The following KCNQ1 variants were observed in gnomAD, a reference collection of about 807,000 sequenced individuals.
KCNQ1 encodes the protein potassium voltage-gated channel subfamily Q member 1, also known as potassium voltage-gated channel subfamily KQT member 1.
KCNQ1 carries 49 observed loss-of-function variants against 72.4 expected under a neutral mutation model. The ratio of observed to expected loss-of-function variants is 0.68; its 90% CI spans 0.54 to 0.86. The LOEUF (loss-of-function observed/expected upper bound fraction) is 0.86. KCNQ1 is among the 40% of genes least tolerant of loss of function. KCNQ1 has a pLI of 0.00. For missense variants in KCNQ1, 790 were observed against 945.1 expected (o/e 0.84, Z 2.15); for synonymous variants, 450 against 412.6 (o/e 1.09, Z -1.10).
chr11:2,768,560 G>T lies in KCNQ1; in HGVS notation c.1515-284G>T, dbSNP rs968383071. ...GCAGCATAGCCATGGCCAACTCAGG[G>T]CCCTGACTCCTACCTGACCCCCTTC... is the stretch of plus-strand genomic sequence containing the variant. On this transcript the variant is annotated intron_variant, in intron 11 of 15. Transcript: ENST00000155840. The surrounding 1 kb of genome is among the most constrained non-coding windows in gnomAD (Gnocchi z 6.7). 3.3e-5 allele frequency among the ~76,000 whole-genome samples: 5 copies of T among 152,150 alleles called. No individual in the cohort carries two copies. The highest frequency in any genetic ancestry group is 1.2e-4 in the African/African-American group (5 of 41,418).
At position 2,762,444 on chromosome 11, in the gene KCNQ1, C is replaced by G. The variant is rs1050934580; in HGVS notation, c.1515-6400C>G. 6.6e-6 allele frequency among the ~76,000 whole-genome samples: 1 copy of G among 152,168 alleles called. No homozygotes were observed. The highest frequency in any genetic ancestry group is 6.5e-5 in the Admixed American group (1 of 15,282). On this transcript the variant is annotated intron_variant, in intron 11 of 15. Coordinates refer to ENST00000155840, the MANE Select transcript of KCNQ1 (RefSeq NM_000218.3). The surrounding 1 kb of genome is among the most constrained non-coding windows in gnomAD (Gnocchi z 4.3). The stretch of plus-strand genomic sequence containing the variant: ...CAGGTGCATCCACATTGTTCCAGCA[C>G]CCTTTATTGAAAAGCGTATCCTTCC...
intron 15 of KCNQ1, among the ~76,000 whole-genome samples, chr11:2,807,955 C>A (rs1236948906): frequency 6.6e-6 from 1 of 152,172 alleles, no homozygotes; most frequent in African/African-American, 2.4e-5. Flanking sequence ...CCTCCTGGAG[C>A]CTCGGTTTCC....
chr11:2,597,663 A>T (rs1484300472), intron 10 of KCNQ1, among the ~76,000 whole-genome samples: 2 of 152,336 alleles, frequency 1.3e-5, no homozygotes, highest in African/African-American at 2.4e-5. Context: ...TTTGAAGAAC[A>T]TTGGGATTAT....
At position 2,803,154 on chromosome 11, in the gene KCNQ1, G is replaced by GTA. The variant is rs1554925272; in HGVS notation, c.1794+25117_1794+25118insTA. ...AGGGTAGCCCAGAAAACCCAGCCGG[G>GTA]CCCCCCCCCCCACGGGCACCCAGGA... On this transcript the variant is annotated intron_variant, in intron 15 of 15. Coordinates refer to ENST00000155840, the MANE Select transcript of KCNQ1 (RefSeq NM_000218.3). This position sits in a 1 kb window ranked among gnomAD's most constrained non-coding sequence, Gnocchi z 6.4. 9.3e-5 allele frequency among the ~76,000 whole-genome samples: 2 copies of GTA among 21,450 alleles called. No homozygotes were observed. Among genetic ancestry groups the GTA allele is most frequent in the Non-Finnish European group, 3.1e-4 (2 of 6,350 alleles). The allele number at this position is 21,450 out of a possible 152,430, so 14.1% of individuals were successfully genotyped here.
rs186459288 is a variant in KCNQ1 at position 2,717,948 on chromosome 11, A to G, written c.1515-50896A>G. On this transcript the variant is annotated intron_variant, in intron 11 of 15. Coordinates refer to ENST00000155840, the MANE Select transcript of KCNQ1 (RefSeq NM_000218.3). The stretch of plus-strand genomic sequence containing the variant: ...GGGCTGCCGTGGTCATGGAGTAAAG[A>G]CCACACCTGGCATGGCTTCCTTGGT... 1.4e-3 allele frequency among the ~76,000 whole-genome samples: 216 copies of G among 152,268 alleles called. 1 individual carries two copies. Among genetic ancestry groups the G allele is most frequent in the African/African-American group, 5.1e-3 (211 of 41,558 alleles).
Position 2,483,495 on chromosome 11 carries a change from G to T in KCNQ1, c.386+38011G>T, listed in dbSNP as rs1589905862. 6.6e-6 allele frequency among the ~76,000 whole-genome samples: 1 copy of T among 152,132 alleles called. No individual in the cohort carries two copies. Among genetic ancestry groups the T allele is most frequent in the Non-Finnish European group, 1.5e-5 (1 of 68,026 alleles). On this transcript the variant is annotated intron_variant, in intron 1 of 15. Transcript: ENST00000155840. The surrounding 1 kb of genome is among the most constrained non-coding windows in gnomAD (Gnocchi z 6.1). Reference sequence around the variant, plus strand: ...CGCGTTTTTCTAGCATCCGGTTTCTGTTCTGTGATCCCCACGTTGCTTTCA... The same window carrying T: ...CGCGTTTTTCTAGCATCCGGTTTCTTTTCTGTGATCCCCACGTTGCTTTCA...
chr11:2,656,509 T>G (rs961351030), intron 10 of KCNQ1: 2 of 398,590 alleles, frequency 5.0e-6, no homozygotes, highest in Middle Eastern at 6.2e-4. Flanking sequence ...CTCCTGAGTT[T>G]ATTTACATTT....
intron 15 of KCNQ1, among the ~76,000 whole-genome samples, chr11:2,820,218 C>T (rs1204696047): frequency 6.6e-6 from 1 of 152,146 alleles, no homozygotes; most frequent in African/African-American, 2.4e-5. Context: ...GATACTTCTC[C>T]AAATACCCTA....
At chr11:2,819,181 G>C (rs1379257031) in intron 15 of KCNQ1, among the ~76,000 whole-genome samples, 1 of 152,252 alleles carries the variant, frequency 6.6e-6, no homozygotes, top group Admixed American at 6.5e-5. Context: ...TGGTAGGCCA[G>C]ACAGCCAAAG....
chr11:2,494,776 A>T lies in KCNQ1; in HGVS notation c.387-33152A>T, dbSNP rs1846883987. Among the ~76,000 whole-genome samples the T allele has an allele frequency of 6.6e-6, 1 of 152,194 alleles. No individual in the cohort carries two copies. The highest frequency in any genetic ancestry group is 2.4e-5 in the African/African-American group (1 of 41,440). On this transcript the variant is annotated intron_variant, in intron 1 of 15. Coordinates refer to ENST00000155840, the MANE Select transcript of KCNQ1 (RefSeq NM_000218.3). The surrounding 1 kb of genome is among the most constrained non-coding windows in gnomAD (Gnocchi z 4.6). ...ATTGAAGATTTTTGCATCGGTGCTC[A>T]TCAGGGATATTGGCCTGAAGTTTTC...
At position 2,498,980 on chromosome 11, in the gene KCNQ1, T is replaced by C. The variant is rs917526034; in HGVS notation, c.387-28948T>C. Among the ~76,000 whole-genome samples, 1 of 151,284 alleles carries C rather than the reference T, an allele frequency of 6.6e-6. No homozygotes were observed. Among genetic ancestry groups the C allele is most frequent in the East Asian group, 2.0e-4 (1 of 5,122 alleles). ...AGTTCCCTCGGCTGGGGGAGGGAGGTCTCCCGGCTCCTTGCACTTCCCAGG... is the reference window on the plus strand; with the variant it reads ...AGTTCCCTCGGCTGGGGGAGGGAGGCCTCCCGGCTCCTTGCACTTCCCAGG... On this transcript the variant is annotated intron_variant, in intron 1 of 15. Coordinates refer to ENST00000155840, the MANE Select transcript of KCNQ1 (RefSeq NM_000218.3). This position sits in a 1 kb window ranked among gnomAD's most constrained non-coding sequence, Gnocchi z 4.8.
chr11:2,518,105 A>G (rs1288848560), intron 1 of KCNQ1, among the ~76,000 whole-genome samples: 1 of 152,222 alleles, frequency 6.6e-6, no homozygotes, highest in African/African-American at 2.4e-5. Flanking sequence ...CAAACACTTC[A>G]CAAACGTGCA....
In KCNQ1 at chr11:2,571,332, C is replaced by A; in HGVS notation, c.612C>A (p.Ile204=). ...CTCTCCTGCACTCCACAGACCTCAT[C>A]GTGGTCGTGGCCTCCATGGTGGTCC... ...ARKPISIIDL[I]VVVASMVVLC... Residue 204 remains isoleucine, a synonymous_variant, in exon 4 of 16, where the codon ATC becomes ATA. Coordinates refer to ENST00000155840, the MANE Select transcript of KCNQ1 (RefSeq NM_000218.3). 6.2e-7 allele frequency: 1 copy of A among 1,613,294 alleles called. No individual in the cohort carries two copies. The highest frequency in any genetic ancestry group is 8.5e-7 in the Non-Finnish European group (1 of 1,179,900).
At chr11:2,810,361 C>T (rs1439147259) in intron 15 of KCNQ1, among the ~76,000 whole-genome samples, 2 of 152,186 alleles carry the variant, frequency 1.3e-5, no homozygotes, top group Admixed American at 6.5e-5. Flanking sequence ...TCATGGAGGC[C>T]ACCATCTCTG....
In KCNQ1 at chr11:2,813,711, G is replaced by C. The variant is rs1847541698; in HGVS notation, c.1795-34056G>C. On this transcript the variant is annotated intron_variant, in intron 15 of 15. Transcript: ENST00000155840. This position sits in a 1 kb window ranked among gnomAD's most constrained non-coding sequence, Gnocchi z 4.4. ...GGAGGCCAGTGACTGCGTCATCAGT[G>C]CCTTTTGATCTTGTTGCCGCAAGAT... is the stretch of plus-strand genomic sequence containing the variant. Among the ~76,000 whole-genome samples the C allele has an allele frequency of 6.6e-6, 1 of 152,148 alleles. No homozygotes were observed. The highest frequency in any genetic ancestry group is 2.4e-5 in the African/African-American group (1 of 41,438).
chr11:2,798,318 C>T (rs919254028), intron 15 of KCNQ1, among the ~76,000 whole-genome samples: 1 of 152,196 alleles, frequency 6.6e-6, no homozygotes, highest in Non-Finnish European at 1.5e-5. Context: ...TCAGCCCCAC[C>T]TGCAGACCTA....
In KCNQ1 at chr11:2,710,950, C is replaced by T. The variant is rs1219485911; in HGVS notation, c.1514+48869C>T. ...TTTTTCTTTTTCAAGATTATTTTGG[C>T]TATTCTGGGTCCCTTGAATTTCCAT... On this transcript the variant is annotated intron_variant, in intron 11 of 15. Transcript: ENST00000155840. This position sits in a 1 kb window ranked among gnomAD's most constrained non-coding sequence, Gnocchi z 4.1. Among the ~76,000 whole-genome samples, 1 of 152,036 alleles carries T rather than the reference C, an allele frequency of 6.6e-6. No homozygotes were observed. Among genetic ancestry groups the T allele is most frequent in the Non-Finnish European group, 1.5e-5 (1 of 67,994 alleles).
intron 6 of KCNQ1, among the ~76,000 whole-genome samples, chr11:2,582,030 G>C (rs1848506645): frequency 6.6e-6 from 1 of 152,240 alleles, no homozygotes; most frequent in Admixed American, 6.5e-5. Context: ...AGGGGCCTGG[G>C]TGGCGGCCAG....
intron 1 of KCNQ1, among the ~76,000 whole-genome samples, chr11:2,470,709 G>T (rs1401179078): frequency 1.5e-5 from 2 of 137,784 alleles, no homozygotes; most frequent in Non-Finnish European, 3.1e-5. Context: ...TTAGGTGGGG[G>T]GGGGGGTGCT....
Sources: gnomAD v4.1 joint callset for allele counts (sites outside exome capture counted in the v4.1 genomes callset) on GRCh38, gnomAD v4.1.1 for gene constraint, Gnocchi (gnomAD v3.1) non-coding constraint, MANE v1.5 for transcripts, NCBI Gene and HGNC (gene_info 2026-07-23, HGNC 2026-07-21) for gene names.